RANBP2: variants seen among roughly 807,000 people sequenced by gnomAD.
RANBP2 encodes RAN binding protein 2.
A neutral mutation model predicts 303.6 loss-of-function variants in RANBP2; 57 were observed. The observed-to-expected ratio is 0.19, with a 90% CI of 0.15 to 0.23. RANBP2 has a LOEUF of 0.23. Ranked by LOEUF, RANBP2 falls within the 10% of genes least tolerant of loss-of-function variation. The pLI is 1.00. For missense variants in RANBP2, 3,138 were observed against 3,780.8 expected (o/e 0.83, Z 4.46); for synonymous variants, 1,167 against 1,301.5 (o/e 0.90, Z 2.23).
At chr2:109,639,058 T>G in the RANBP2 span, among the ~76,000 whole-genome samples, 1 of 152,220 alleles carries the variant, frequency 6.6e-6, no homozygotes, top group African/African-American at 2.4e-5. Flanking sequence ...GACTAATGCT[T>G]AGAATGATTT....
At chr2:109,013,544 T>C in the RANBP2 span, among the ~76,000 whole-genome samples, 1 of 151,886 alleles carries the variant, frequency 6.6e-6, no homozygotes, top group South Asian at 2.1e-4. Context: ...TTCTTTGGCA[T>C]ACACATGGTA....
At chr2:109,687,132 C>T in the RANBP2 span, among the ~76,000 whole-genome samples, 4 of 151,960 alleles carry the variant, frequency 2.6e-5, no homozygotes, top group African/African-American at 7.3e-5. Context: ...TTTTCACTCA[C>T]GAGGATTTTC....
At chr2:108,871,420 G>A in the RANBP2 span, among the ~76,000 whole-genome samples, 2 of 150,400 alleles carry the variant, frequency 1.3e-5, no homozygotes, top group African/African-American at 4.9e-5. Flanking sequence ...GGGCATGATG[G>A]TGTGTGCCTG....
chr2:108,941,849 C>T, the RANBP2 span, among the ~76,000 whole-genome samples: 4,489 of 152,318 alleles, frequency 0.029, 134 homozygotes, highest in African/African-American at 0.077. Context: ...GCAGCCTCTT[C>T]CCAGCCTCAG....
chr2:108,726,373 G>A, intron 1 of RANBP2, among the ~76,000 whole-genome samples: 1 of 151,702 alleles, frequency 6.6e-6, no homozygotes, highest in East Asian at 1.9e-4. Context: ...TAGCGATGCT[G>A]GCAGTTCACA....
At chr2:108,798,478 A>C in the RANBP2 span, 1 of 1,613,930 alleles carries the variant, frequency 6.2e-7, no homozygotes, top group Non-Finnish European at 8.5e-7. Context: ...AAAAGCGAGA[A>C]CGTTTTTTAC....
the RANBP2 span, chr2:108,989,203 T>C: frequency 6.5e-6 from 1 of 153,036 alleles, no homozygotes; most frequent in African/African-American, 2.4e-5. Flanking sequence ...GACCGCTCCC[T>C]GCCCTGTCTG....
chr2:109,441,046 G>A, the RANBP2 span, among the ~76,000 whole-genome samples: 3 of 148,970 alleles, frequency 2.0e-5, no homozygotes, highest in Admixed American at 1.3e-4. Context: ...ACCCAACAGA[G>A]CTCAAAAACA....
At chr2:109,684,987 C>G in the RANBP2 span, among the ~76,000 whole-genome samples, 1 of 152,064 alleles carries the variant, frequency 6.6e-6, no homozygotes, top group African/African-American at 2.4e-5. Flanking sequence ...GATTCTCCAG[C>G]CTCAGCCTCC....
chr2:109,138,262 C>T, the RANBP2 span, among the ~76,000 whole-genome samples: 3 of 152,132 alleles, frequency 2.0e-5, no homozygotes, highest in Admixed American at 6.5e-5. Flanking sequence ...CTCCTGACCT[C>T]GTGATCCGCC....
chr2:108,770,129 C>T (rs1157179480), intron 20 of RANBP2, among the ~76,000 whole-genome samples: 1 of 152,098 alleles, frequency 6.6e-6, no homozygotes, highest in Non-Finnish European at 1.5e-5. Context: ...AATGAATGTG[C>T]CTATATACTA....
At chr2:109,630,947 T>G in the RANBP2 span, among the ~76,000 whole-genome samples, 1 of 152,064 alleles carries the variant, frequency 6.6e-6, no homozygotes, top group Non-Finnish European at 1.5e-5. Context: ...GCACCTCTAA[T>G]CCCAGCTACT....
the RANBP2 span, among the ~76,000 whole-genome samples, chr2:108,983,136 C>T: frequency 1.3e-5 from 2 of 152,304 alleles, no homozygotes; most frequent in East Asian, 1.9e-4. Flanking sequence ...CCCTTGGCCA[C>T]GCTTCTTGGA....
chr2:109,130,455 C>T, the RANBP2 span, among the ~76,000 whole-genome samples: 1 of 152,184 alleles, frequency 6.6e-6, no homozygotes, highest in Non-Finnish European at 1.5e-5. Flanking sequence ...CTCTGGGTCC[C>T]CAGACACTCC....
the RANBP2 span, among the ~76,000 whole-genome samples, chr2:109,475,345 C>T: frequency 1.3e-5 from 2 of 152,230 alleles, no homozygotes; most frequent in Non-Finnish European, 2.9e-5. Context: ...TTCATTTCTC[C>T]ACCTCCTCAT....
At chr2:109,700,533 G>A in the RANBP2 span, among the ~76,000 whole-genome samples, 2 of 152,110 alleles carry the variant, frequency 1.3e-5, no homozygotes, top group East Asian at 1.9e-4. Flanking sequence ...TTGAGTGTCT[G>A]ATTAGCCTTT....
At chr2:109,685,948 G>T in the RANBP2 span, among the ~76,000 whole-genome samples, 1 of 152,332 alleles carries the variant, frequency 6.6e-6, no homozygotes, top group East Asian at 1.9e-4. Flanking sequence ...TCTAAACCAC[G>T]AGGGAAGATA....
the RANBP2 span, among the ~76,000 whole-genome samples, chr2:109,290,464 C>T: frequency 6.6e-6 from 1 of 152,226 alleles, no homozygotes; most frequent in Non-Finnish European, 1.5e-5. Flanking sequence ...TACCCGGAAT[C>T]CTCATGTTCG....
chr2:109,303,565 C>T, the RANBP2 span, among the ~76,000 whole-genome samples: 5 of 152,280 alleles, frequency 3.3e-5, no homozygotes, highest in African/African-American at 9.6e-5. Flanking sequence ...GAAGGAAACC[C>T]ACCCGATGAT....
Sources: gnomAD v4.1 joint callset for allele counts (sites outside exome capture counted in the v4.1 genomes callset) on GRCh38, gnomAD v4.1.1 for gene constraint, MANE v1.5 for transcripts, NCBI Gene and HGNC (gene_info 2026-07-23, HGNC 2026-07-21) for gene names.